Variants in FOXP2 observed in about 807,000 individuals in gnomAD.
The protein encoded by FOXP2 is forkhead box protein P2.
In FOXP2, 12 loss-of-function variants were observed where a neutral mutation model predicts 115.8. The ratio of observed to expected loss-of-function variants is 0.10; its 90% CI spans 0.07 to 0.17. FOXP2 has a LOEUF of 0.17. FOXP2 is among the 10% of genes least tolerant of loss of function. The pLI, the probability that FOXP2 is intolerant of heterozygous loss-of-function variation, is 1.00. For missense variants in FOXP2, 629 were observed against 843.5 expected, an observed-to-expected ratio of 0.75 and a Z score of 3.15; for synonymous variants, 328 against 297.7, an observed-to-expected ratio of 1.10 and a Z score of -1.05.
At chr7:114,520,482 T>C (rs1036483445) in intron 2 of FOXP2, among the ~76,000 whole-genome samples, 2 of 152,114 alleles carry the variant, frequency 1.3e-5, no homozygotes, top group East Asian at 3.9e-4. Flanking sequence ...TGCCTCTTTG[T>C]CTACATTTTT....
At chr7:114,346,235 C>G (rs1001675151) in intron 2 of FOXP2, among the ~76,000 whole-genome samples, 1 of 151,396 alleles carries the variant, frequency 6.6e-6, no homozygotes, top group East Asian at 1.9e-4. Context: ...TAGAATAATC[C>G]TGTTATTTTG....
chr7:114,201,424 A>T (rs1794061754), intron 1 of FOXP2, among the ~76,000 whole-genome samples: 1 of 152,136 alleles, frequency 6.6e-6, no homozygotes, highest in African/African-American at 2.4e-5. Context: ...TTCATTCCAC[A>T]ACATCCCTGT....
chr7:114,427,958 C>T (rs1793936596), intron 2 of FOXP2, among the ~76,000 whole-genome samples: 1 of 151,604 alleles, frequency 6.6e-6, no homozygotes, highest in African/African-American at 2.4e-5. Flanking sequence ...TTTTAACAAT[C>T]ATAGGAATTA....
chr7:114,493,738 T>C (rs1159683969), intron 2 of FOXP2, among the ~76,000 whole-genome samples: 1 of 151,884 alleles, frequency 6.6e-6, no homozygotes, highest in Admixed American at 6.6e-5. Context: ...TAAAGAAAAC[T>C]GAAAAGTTAT....
intron 3 of FOXP2, among the ~76,000 whole-genome samples, chr7:114,568,250 C>T (rs1801118574): frequency 1.3e-5 from 2 of 151,820 alleles, no homozygotes; most frequent in South Asian, 2.1e-4. Context: ...CTTTATTTCT[C>T]TCTATGTTAG....
chr7:114,246,241 G>A (rs1029457901), intron 1 of FOXP2, among the ~76,000 whole-genome samples: 5 of 152,086 alleles, frequency 3.3e-5, no homozygotes, highest in African/African-American at 9.6e-5. Context: ...AGTTTTCAAA[G>A]AGCCCTTTAA....
At chr7:114,640,870 T>C (rs1805487537) in intron 6 of FOXP2, among the ~76,000 whole-genome samples, 1 of 152,108 alleles carries the variant, frequency 6.6e-6, no homozygotes, top group East Asian at 1.9e-4. Flanking sequence ...AATTGGGTGA[T>C]TTGGGGGAAC....
intron 2 of FOXP2, among the ~76,000 whole-genome samples, chr7:114,491,265 A>C (rs1797037790): frequency 6.6e-6 from 1 of 152,202 alleles, no homozygotes; most frequent in South Asian, 2.1e-4. Context: ...AGTGATGATG[A>C]GCATTTTTTC....
chr7:114,445,430 T>G (rs1254601013), intron 2 of FOXP2, among the ~76,000 whole-genome samples: 1 of 152,190 alleles, frequency 6.6e-6, no homozygotes, highest in Non-Finnish European at 1.5e-5. Flanking sequence ...CAACTCCAAC[T>G]TTACAATTCA....
intron 3 of FOXP2, among the ~76,000 whole-genome samples, chr7:114,564,041 C>T (rs559605649): frequency 3.3e-5 from 5 of 152,216 alleles, no homozygotes; most frequent in South Asian, 2.1e-4. Flanking sequence ...TGAACCCACA[C>T]CCTCATGCTT....
intron 1 of FOXP2, among the ~76,000 whole-genome samples, chr7:114,139,428 A>G (rs1792142635): frequency 2.0e-5 from 3 of 152,176 alleles, no homozygotes; most frequent in Admixed American, 2.0e-4. Flanking sequence ...TCTTTTATAT[A>G]TATATTACAT....
intron 2 of FOXP2, among the ~76,000 whole-genome samples, chr7:114,528,910 A>G (rs1799007275): frequency 6.6e-6 from 1 of 152,018 alleles, no homozygotes; most frequent in Non-Finnish European, 1.5e-5. Flanking sequence ...TTACTGGAAC[A>G]TGTCCCATGA....
chr7:114,169,550 G>T (rs916564464), intron 1 of FOXP2, among the ~76,000 whole-genome samples: 4 of 152,152 alleles, frequency 2.6e-5, no homozygotes, highest in Non-Finnish European at 4.4e-5. Context: ...TTTTGATTTT[G>T]CAGGTTCATG....
chr7:114,618,602 G>T (rs148139132), intron 3 of FOXP2, among the ~76,000 whole-genome samples: 3 of 152,246 alleles, frequency 2.0e-5, no homozygotes, highest in Non-Finnish European at 2.9e-5. Context: ...CCTATATTTT[G>T]TACCAGAATA....
At chr7:114,182,148 T>C (rs1401716679) in intron 1 of FOXP2, among the ~76,000 whole-genome samples, 1 of 152,092 alleles carries the variant, frequency 6.6e-6, no homozygotes, top group Non-Finnish European at 1.5e-5. Context: ...TTCTACTTGA[T>C]AACTGTTTCT....
intron 2 of FOXP2, among the ~76,000 whole-genome samples, chr7:114,302,274 A>G (rs1400494761): frequency 1.3e-5 from 2 of 152,180 alleles, no homozygotes; most frequent in Admixed American, 6.6e-5. Flanking sequence ...AGAAATTACC[A>G]TATACACCTT....
chr7:114,552,406 G>T (rs1481990149), intron 3 of FOXP2, among the ~76,000 whole-genome samples: 1 of 152,070 alleles, frequency 6.6e-6, no homozygotes, highest in Non-Finnish European at 1.5e-5. Context: ...GGGAAGACGT[G>T]ACTCAAGCTC....
intron 3 of FOXP2, among the ~76,000 whole-genome samples, chr7:114,610,921 C>T (rs777060772): frequency 4.6e-5 from 7 of 152,124 alleles, no homozygotes; most frequent in Non-Finnish European, 1.0e-4. Flanking sequence ...AAGCATGAGC[C>T]ATCAGCCTGG....
intron 1 of FOXP2, among the ~76,000 whole-genome samples, chr7:114,419,678 A>G (rs963795517): frequency 5.3e-5 from 8 of 151,596 alleles, no homozygotes; most frequent in African/African-American, 1.7e-4. Context: ...TATGCCGTCA[A>G]AAAACCTCTG....
Sources: allele counts gnomAD v4.1 joint callset (sites outside exome capture counted in the v4.1 genomes callset), GRCh38; gene constraint gnomAD v4.1.1; transcripts MANE v1.5; gene names NCBI Gene and HGNC (gene_info 2026-07-23, HGNC 2026-07-21).